Variants in FGFR3 observed in about 807,000 individuals in gnomAD.
The protein encoded by FGFR3 is FGFR-3.
FGFR3 carries 25 observed loss-of-function variants against 82.9 expected under a neutral mutation model. The ratio of observed to expected loss-of-function variants is 0.30; its 90% CI spans 0.22 to 0.42. FGFR3 has a LOEUF of 0.42. Ranked by LOEUF, FGFR3 falls within the 10% of genes least tolerant of loss-of-function variation. The pLI is 1.00. For synonymous variants in FGFR3, 620 were observed against 516.0 expected (o/e 1.20, Z -2.73); for missense variants, 1,026 against 1,161.0 (o/e 0.88, Z 1.69).
rs1197666036 is a variant in FGFR3 at position 1,805,922 on chromosome 4, G to T, written c.1818G>T (p.Glu606Asp). The change falls in exon 13 of 18, where the codon GAG becomes GAT. Residue 606 changes from glutamate to aspartate, a missense_variant. This residue lies in a region of FGFR3 where 164 missense variants were observed against 167.5 expected (regional missense o/e 0.98). Transcript: ENST00000440486. ...SCAYQVARGM[E>D]YLASQKCIHR... ...CCTACCAGGTGGCCCGGGGCATGGA[G>T]TACTTGGCCTCCCAGAAGGTGGGCA... 1.2e-6 allele frequency: 2 copies of T among 1,610,040 alleles called. No homozygotes were observed. The highest frequency in any genetic ancestry group is 1.7e-6 in the Non-Finnish European group (2 of 1,177,674).
chr4:1,807,947 C>T lies in FGFR3; in HGVS notation c.*685C>T, dbSNP rs548487199. Reference sequence around the variant, plus strand: ...ATGGAAGAGGAAAAGGCTGGTACAACGGAGGCCTGCGACCCTGGGGGCACA... The same window carrying T: ...ATGGAAGAGGAAAAGGCTGGTACAATGGAGGCCTGCGACCCTGGGGGCACA... On this transcript the variant is annotated 3_prime_UTR_variant, in exon 18 of 18. Transcript: ENST00000440486. 2.6e-4 allele frequency: 66 copies of T among 254,438 alleles called. No individual in the cohort carries two copies. Among genetic ancestry groups the T allele is most frequent in the Admixed American group, 4.6e-4 (9 of 19,650 alleles). 15.8% of individuals were successfully genotyped at this position (254,438 alleles called of 1,614,324 possible).
chr4:1,794,883 C>T (rs530554440), intron 2 of FGFR3, among the ~76,000 whole-genome samples: 1 of 151,586 alleles, frequency 6.6e-6, no homozygotes, highest in African/African-American at 2.4e-5. Context: ...GGCCTTGGCC[C>T]GGTGAGCTCG....
intron 2 of FGFR3, among the ~76,000 whole-genome samples, chr4:1,798,792 C>A (rs76328086): frequency 0.013 from 1,987 of 152,314 alleles, 52 homozygotes; most frequent in African/African-American, 0.045. Flanking sequence ...CTCTGAGCTC[C>A]ATTTCAGTCA....
At chr4:1,797,971 C>A (rs893451612) in intron 2 of FGFR3, among the ~76,000 whole-genome samples, 2 of 152,146 alleles carry the variant, frequency 1.3e-5, no homozygotes, top group Non-Finnish European at 2.9e-5. Flanking sequence ...CAAGTGATGG[C>A]GCAACCCGCC....
chr4:1,801,012 T>G (rs1721107396), intron 4 of FGFR3, among the ~76,000 whole-genome samples: 1 of 152,154 alleles, frequency 6.6e-6, no homozygotes, highest in African/African-American at 2.4e-5. Context: ...GGTCCTGGCT[T>G]GTCCACTAGA....
At chr4:1,799,222 G>T in intron 2 of FGFR3, 32 bp from the exon 3 acceptor site, 1 of 1,611,360 alleles carries the variant, frequency 6.2e-7, no homozygotes. Flanking sequence ...GTTTGGGGGT[G>T]CCTGCCTCAT....
In FGFR3 at chr4:1,807,300, C is replaced by T. The variant is rs748878733; in HGVS notation, c.*38C>T. ...CCCCAACAATGTGAGGGGTCCCTAG[C>T]AGCCCACCCTGCTGCTGGTGCACAG... On this transcript the variant is annotated 3_prime_UTR_variant, in exon 18 of 18. Coordinates refer to ENST00000440486, the MANE Select transcript of FGFR3 (RefSeq NM_000142.5). 5 of 1,565,424 alleles carry T rather than the reference C, an allele frequency of 3.2e-6. No individual in the cohort carries two copies. Among genetic ancestry groups the T allele is most frequent in the Admixed American group, 1.8e-5 (1 of 54,604 alleles).
chr4:1,808,791 T>C lies in FGFR3; in HGVS notation c.*1529T>C, dbSNP rs1210295570. 8.6e-6 allele frequency: 2 copies of C among 231,302 alleles called. No homozygotes were observed. Among genetic ancestry groups the C allele is most frequent in the East Asian group, 6.1e-5 (1 of 16,394 alleles). The allele number at this position is 231,302 out of a possible 1,614,324, so 14.3% of individuals were successfully genotyped here. Reference sequence around the variant, plus strand: ...GGGCCCAGTGCATGGTGGCCAGAGGTGTCACCCAAACCGGCAGGTGCGATT... The same window carrying C: ...GGGCCCAGTGCATGGTGGCCAGAGGCGTCACCCAAACCGGCAGGTGCGATT... On this transcript the variant is annotated 3_prime_UTR_variant, in exon 18 of 18. Transcript: ENST00000440486.
At chr4:1,801,244 C>T (rs576153196) in intron 4 of FGFR3, 123 bp from the exon 5 acceptor site, 7 of 1,140,340 alleles carry the variant, frequency 6.1e-6, no homozygotes, top group African/African-American at 4.6e-5. Flanking sequence ...ATCCCGCCCT[C>T]TTCCTACACA....
chr4:1,804,477 C>A lies in FGFR3; in HGVS notation c.1223C>A (p.Ser408Tyr). The A allele has an allele frequency of 6.2e-7, 1 of 1,613,006 alleles. No homozygotes were observed. Among genetic ancestry groups the A allele is most frequent in the Non-Finnish European group, 8.5e-7 (1 of 1,179,932 alleles). The change falls in exon 9 of 18, where the codon TCC (serine) becomes TAC (tyrosine). Residue 408 changes from serine (S) to tyrosine (Y), a missense_variant. Transcript: ENST00000440486. Reference protein sequence around the residue: ...LRSPPKKGLGSPTVHKISRFP... With the variant: ...LRSPPKKGLGYPTVHKISRFP... Reference sequence around the variant, plus strand: ...AGCCCCCCCAAGAAAGGCCTGGGCTCCCCCACCGTGCACAAGATCTCCCGC... The same window carrying A: ...AGCCCCCCCAAGAAAGGCCTGGGCTACCCCACCGTGCACAAGATCTCCCGC...
At chr4:1,799,183 T>C in intron 2 of FGFR3, 71 bp from the exon 3 acceptor site, 2 of 1,607,010 alleles carry the variant, frequency 1.2e-6, no homozygotes, top group Non-Finnish European at 1.7e-6. Flanking sequence ...CGCCGAGGCT[T>C]CCACTGCTGT....
chr4:1,796,153 G>A (rs1309126888), intron 2 of FGFR3, among the ~76,000 whole-genome samples: 2 of 152,194 alleles, frequency 1.3e-5, no homozygotes, highest in East Asian at 3.9e-4. Flanking sequence ...AGCCAGGAGT[G>A]GAGCCACCTT....
intron 7 of FGFR3, among the ~76,000 whole-genome samples, chr4:1,803,314 G>A (rs1467783281): frequency 1.3e-5 from 2 of 152,058 alleles, no homozygotes; most frequent in African/African-American, 4.8e-5. Flanking sequence ...CACCGGGCCG[G>A]CTCCGTGCCG....
intron 2 of FGFR3, among the ~76,000 whole-genome samples, chr4:1,796,364 A>G (rs1028782759): frequency 1.3e-5 from 2 of 152,176 alleles, no homozygotes; most frequent in African/African-American, 4.8e-5. Flanking sequence ...GTGAAACTCC[A>G]GGTGGGGAGA....
chr4:1,803,952 G>A, intron 8 of FGFR3, 116 bp downstream of exon 8: 1 of 1,194,506 alleles, frequency 8.4e-7, no homozygotes, highest in Non-Finnish European at 1.2e-6. Flanking sequence ...CCCGCTTCTT[G>A]AGCCCTCACT....
At chr4:1,801,098 C>G (rs1721114770) in intron 4 of FGFR3, among the ~76,000 whole-genome samples, 1 of 152,316 alleles carries the variant, frequency 6.6e-6, no homozygotes, top group Non-Finnish European at 1.5e-5. Context: ...CAGGTGGGCT[C>G]CCCTGGACAA....
Position 1,806,582 on chromosome 4 carries a change from G to T in FGFR3, c.2067G>T (p.Thr689=), listed in dbSNP as rs200872971. ...GGGTCCTGCTCTGGGAGATCTTCAC[G>T]CTGGGGGGCTCCCCGTACCCCGGCA... The part of the protein sequence containing the change: ...SFGVLLWEIF[T]LGGSPYPGIP... Residue 689 remains threonine, a synonymous_variant, in exon 16 of 18, where the codon ACG becomes ACT. Coordinates refer to ENST00000440486, the MANE Select transcript of FGFR3 (RefSeq NM_000142.5). 1 of 1,613,052 alleles carries T rather than the reference G, an allele frequency of 6.2e-7. No individual in the cohort carries two copies. Among genetic ancestry groups the T allele is most frequent in the Non-Finnish European group, 8.5e-7 (1 of 1,179,940 alleles).
rs1721869027 is a variant in FGFR3, at chr4:1,806,032, C to T, written c.1837-19C>T. 6.2e-7 allele frequency: 1 copy of T among 1,613,082 alleles called. No homozygotes were observed. Among genetic ancestry groups the T allele is most frequent in the African/African-American group, 1.3e-5 (1 of 75,036 alleles). ...GAGAGGTGGAGAGGCTTCAGCCCTG[C>T]CTCCCACCCCTTCCCCAGTGCATCC... On this transcript the variant is annotated intron_variant, in intron 13 of 17. Transcript: ENST00000440486.
At chr4:1,802,239 G>A (rs1306303683) in intron 7 of FGFR3, among the ~76,000 whole-genome samples, 1 of 152,158 alleles carries the variant, frequency 6.6e-6, no homozygotes, top group Non-Finnish European at 1.5e-5. Context: ...TCTGCAGAGG[G>A]CCAGCCTCAG....
Sources: gnomAD v4.1 joint callset for allele counts (sites outside exome capture counted in the v4.1 genomes callset) on GRCh38, gnomAD v4.1.1 for gene constraint, gnomAD v4.1.1 regional missense constraint, MANE v1.5 for transcripts, NCBI Gene and HGNC (gene_info 2026-07-23, HGNC 2026-07-21) for gene names.